Variants in LIFR observed in about 807,000 individuals in gnomAD.
LIFR encodes leukemia inhibitory factor receptor.
In LIFR, 84 loss-of-function variants were observed where a neutral mutation model predicts 122.2. The observed-to-expected ratio is 0.69, with a 90% CI of 0.58 to 0.82. LIFR has a LOEUF of 0.82. Among genes scored for constraint, LIFR ranks in the 40% least tolerant of loss-of-function variants. The pLI, the probability that LIFR is intolerant of heterozygous loss-of-function variation, is 0.00. For synonymous variants in LIFR, 422 were observed against 434.7 expected (o/e 0.97, Z 0.36); for missense variants, 1,294 against 1,311.6 (o/e 0.99, Z 0.21).
chr5:38,534,339 C>A (rs1391220016), intron 1 of LIFR, among the ~76,000 whole-genome samples: 1 of 152,010 alleles, frequency 6.6e-6, no homozygotes, highest in Non-Finnish European at 1.5e-5. Context: ...AGGGGCTCTT[C>A]AAGTTAAAAG....
At chr5:38,588,473 G>A (rs1749820697) in intron 1 of LIFR, among the ~76,000 whole-genome samples, 1 of 152,174 alleles carries the variant, frequency 6.6e-6, no homozygotes, top group Admixed American at 6.5e-5. Flanking sequence ...AATCCTCACA[G>A]AAGTCAGTAT....
rs774512554 is a variant in LIFR, at chr5:38,485,938, T to A, written c.2378A>T (p.Gln793Leu). Residue 793 changes from glutamine to leucine, a missense_variant, in exon 17 of 20, where the codon CAG becomes CTG. Coordinates refer to ENST00000453190, the MANE Select transcript of LIFR (RefSeq NM_001127671.2). ...IKVKNITDIS[Q>L]KTLRIADLQG... ...AAGATCAGCAATTCTCAGTGTCTTC[T>A]GGGATATGTCAGTAATATTCTTAAC... 2.5e-6 allele frequency: 4 copies of A among 1,613,880 alleles called. No homozygotes were observed. The South Asian group carries it at 4.4e-5, about 18-fold the overall frequency.
At chr5:38,564,240 A>T (rs1580198527) in intron 1 of LIFR, among the ~76,000 whole-genome samples, 1 of 147,020 alleles carries the variant, frequency 6.8e-6, no homozygotes, top group Middle Eastern at 3.4e-3. Flanking sequence ...CCATGATTGG[A>T]TTTTTTTTTT....
intron 1 of LIFR, among the ~76,000 whole-genome samples, chr5:38,572,134 C>T (rs750551597): frequency 1.8e-4 from 28 of 152,188 alleles, no homozygotes; most frequent in Admixed American, 4.6e-4. Context: ...TAAAGAAATA[C>T]CTGAGACTGG....
At chr5:38,578,201 C>CTTT (rs767825611) in intron 1 of LIFR, among the ~76,000 whole-genome samples, 2 of 76,694 alleles carry the variant, frequency 2.6e-5, no homozygotes, top group South Asian at 5.9e-4. Flanking sequence ...TTTTCTTTTT[C>CTTT]TTTTTCTTTT....
At chr5:38,495,752 A>C (rs559558068) in intron 13 of LIFR, among the ~76,000 whole-genome samples, 23 of 152,200 alleles carry the variant, frequency 1.5e-4, no homozygotes, top group Non-Finnish European at 1.9e-4. Flanking sequence ...TTTAAAGCTC[A>C]TAACTCTCAA....
At position 38,475,797 on chromosome 5, in the gene LIFR, T is replaced by TA; in HGVS notation, c.*5797dup. ...GAAAGAGAAGAAAACCTAACATCCT[T>TA]ATTAGGAAAGTTAAGTATTTTGAAA... On this transcript the variant is annotated 3_prime_UTR_variant, in exon 20 of 20. Transcript: ENST00000453190. The TA allele has an allele frequency of 5.3e-6, 1 of 188,622 alleles. No individual in the cohort carries two copies. The highest frequency in any genetic ancestry group is 8.6e-5 in the East Asian group (1 of 11,660). The allele number at this position is 188,622 out of a possible 1,614,324, so 11.7% of individuals were successfully genotyped here.
intron 5 of LIFR, among the ~76,000 whole-genome samples, chr5:38,519,249 C>T (rs1746272428): frequency 6.6e-6 from 1 of 152,222 alleles, no homozygotes; most frequent in Non-Finnish European, 1.5e-5. Context: ...AATTCACTCA[C>T]TGACTCACCC....
intron 1 of LIFR, chr5:38,530,888 T>C: frequency 2.0e-6 from 1 of 498,876 alleles, no homozygotes; most frequent in East Asian, 3.4e-5. Flanking sequence ...TTTCAAATGA[T>C]GGGCTTCAAG....
chr5:38,489,809 C>T (rs1190527592), intron 15 of LIFR, among the ~76,000 whole-genome samples: 3 of 137,552 alleles, frequency 2.2e-5, no homozygotes, highest in Admixed American at 1.5e-4. Context: ...GCCTGGGCAA[C>T]ATAATGAAAC....
At chr5:38,548,833 G>T (rs564826075) in intron 1 of LIFR, among the ~76,000 whole-genome samples, 17 of 152,266 alleles carry the variant, frequency 1.1e-4, no homozygotes, top group Non-Finnish European at 2.1e-4. Flanking sequence ...AAAATAGTTT[G>T]TCAGAATGCC....
chr5:38,595,663 A>G (rs1479141187), upstream of LIFR, among the ~76,000 whole-genome samples: 1 of 151,932 alleles, frequency 6.6e-6, no homozygotes, highest in Non-Finnish European at 1.5e-5. Flanking sequence ...TGTCAGTGTG[A>G]AAGGAATCCA....
rs1580002991 is a variant in LIFR at position 38,485,893 on chromosome 5, T to C, written c.2423A>G (p.His808Arg). The C allele has an allele frequency of 1.2e-6, 2 of 1,614,204 alleles. No individual in the cohort carries two copies. The highest frequency in any genetic ancestry group is 1.3e-5 in the African/African-American group (1 of 75,070). Residue 808 changes from histidine (H) to arginine (R), a missense_variant, in exon 17 of 20, where the codon CAC becomes CGC. By Grantham distance (29) the His-to-Arg change is conservative. Transcript: ENST00000453190. ...IADLQGKTSY[H>R]LVLRAYTDGG... ...ATCTGTATAGGCTCGCAAGACCAGG[T>C]GGTAACTTGTTTTACCTTGAAGATC...
intron 1 of LIFR, among the ~76,000 whole-genome samples, chr5:38,581,270 C>T (rs1488539350): frequency 6.6e-6 from 1 of 151,920 alleles, no homozygotes; most frequent in East Asian, 1.9e-4. Flanking sequence ...TGGCTTTCTA[C>T]TATTTAAAGA....
At position 38,539,119 on chromosome 5, in the gene LIFR, C is replaced by T. The variant is rs559572130; in HGVS notation, c.-19-8453G>A. On this transcript the variant is annotated intron_variant, in intron 1 of 19. Coordinates refer to ENST00000453190, the MANE Select transcript of LIFR (RefSeq NM_001127671.2). Reference sequence around the variant, plus strand: ...GGGACTACAGGCGCCTGCCACTGTGCCTGGCTAATTTTTTGTATTTTTTAG... The same window carrying T: ...GGGACTACAGGCGCCTGCCACTGTGTCTGGCTAATTTTTTGTATTTTTTAG... Among the ~76,000 whole-genome samples, 61 of 152,268 alleles carry T rather than the reference C, an allele frequency of 4.0e-4. No individual in the cohort carries two copies. The South Asian group carries it at 7.9e-3, about 20-fold the overall frequency.
intron 18 of LIFR, among the ~76,000 whole-genome samples, 189 bp downstream of exon 18, chr5:38,484,584 ACT>A (rs1579999697): frequency 1.3e-5 from 2 of 152,150 alleles, no homozygotes; most frequent in African/African-American, 4.8e-5. Context: ...TTACACATTG[ACT>A]CTATTAAGAC....
intron 1 of LIFR, chr5:38,579,242 C>T (rs951950511): frequency 1.3e-5 from 2 of 152,250 alleles, no homozygotes; most frequent in South Asian, 2.1e-4. Context: ...CCTGGCTCTT[C>T]GAGTGTCTGA....
chr5:38,486,857 G>A (rs1195030114), intron 16 of LIFR, among the ~76,000 whole-genome samples: 1 of 152,188 alleles, frequency 6.6e-6, no homozygotes, highest in Non-Finnish European at 1.5e-5. Flanking sequence ...AACTTTTGAT[G>A]AATTCAGTGT....
chr5:38,586,649 G>C (rs10040053), intron 1 of LIFR, among the ~76,000 whole-genome samples: 125,618 of 152,088 alleles, frequency 0.83, 52,051 homozygotes, highest in East Asian at 0.96. Context: ...CAACAGAAAC[G>C]TTCAAACTGG....
Sources: allele counts gnomAD v4.1 joint callset (sites outside exome capture counted in the v4.1 genomes callset), GRCh38; gene constraint gnomAD v4.1.1; transcripts MANE v1.5; gene names NCBI Gene and HGNC (gene_info 2026-07-23, HGNC 2026-07-21).